ZBTB7C: variants seen among roughly 807,000 people sequenced by gnomAD.
ZBTB7C encodes the protein zinc finger and BTB domain containing 7C.
Under a neutral mutation model 25.7 loss-of-function variants are expected in ZBTB7C, and 8 were observed. The ratio of observed to expected loss-of-function variants is 0.31; its 90% CI spans 0.18 to 0.56. The LOEUF is 0.56. Among genes scored for constraint, ZBTB7C ranks in the 20% least tolerant of loss-of-function variants. The pLI, the probability that ZBTB7C is intolerant of heterozygous loss-of-function variation, is 0.91. For missense variants in ZBTB7C, 824 were observed against 855.2 expected (o/e 0.96, Z 0.46); for synonymous variants, 394 against 369.0 (o/e 1.07, Z -0.78).
At chr18:48,154,116 G>C (rs1230025752) in intron 3 of ZBTB7C, among the ~76,000 whole-genome samples, 1 of 152,230 alleles carries the variant, frequency 6.6e-6, no homozygotes, top group Non-Finnish European at 1.5e-5. Context: ...TACCCAGTAA[G>C]CAAGCAGGGG....
At chr18:48,295,146 A>G (rs1357687085) in intron 2 of ZBTB7C, among the ~76,000 whole-genome samples, 1 of 152,168 alleles carries the variant, frequency 6.6e-6, no homozygotes, top group Non-Finnish European at 1.5e-5. Context: ...ATTTCTGTAC[A>G]CATCAGCATT....
chr18:48,202,034 C>T (rs2042462204), intron 2 of ZBTB7C, among the ~76,000 whole-genome samples: 1 of 152,250 alleles, frequency 6.6e-6, no homozygotes, highest in African/African-American at 2.4e-5. Context: ...AAGGTTCCCA[C>T]CTAGCTAAAA....
chr18:48,087,452 G>A (rs1484379081), intron 3 of ZBTB7C, among the ~76,000 whole-genome samples: 1 of 152,150 alleles, frequency 6.6e-6, no homozygotes, highest in African/African-American at 2.4e-5. Flanking sequence ...GATTCCAAGT[G>A]ATCAGAGCTG....
At chr18:48,134,372 T>C (rs2040082291) in intron 3 of ZBTB7C, among the ~76,000 whole-genome samples, 1 of 152,154 alleles carries the variant, frequency 6.6e-6, no homozygotes, top group Admixed American at 6.6e-5. Context: ...TCCAACACCA[T>C]TCTATTAGGA....
At chr18:48,182,346 C>T (rs1404355883) in intron 3 of ZBTB7C, among the ~76,000 whole-genome samples, 1 of 152,102 alleles carries the variant, frequency 6.6e-6, no homozygotes, top group African/African-American at 2.4e-5. Context: ...TCTGCCAGGC[C>T]TCCACGATTA....
At chr18:48,208,176 C>T (rs2042623927) in intron 2 of ZBTB7C, among the ~76,000 whole-genome samples, 1 of 152,014 alleles carries the variant, frequency 6.6e-6, no homozygotes, top group South Asian at 2.1e-4. Context: ...AACAGAGCAG[C>T]TGTTCCAGTA....
intron 3 of ZBTB7C, among the ~76,000 whole-genome samples, chr18:48,125,513 G>A (rs2039771033): frequency 6.6e-6 from 1 of 152,208 alleles, no homozygotes; most frequent in Non-Finnish European, 1.5e-5. Flanking sequence ...TGGTGTAAAT[G>A]GCAACTTGTT....
chr18:48,367,663 C>T (rs752454198), intron 1 of ZBTB7C, among the ~76,000 whole-genome samples: 4 of 152,128 alleles, frequency 2.6e-5, no homozygotes, highest in South Asian at 2.1e-4. Context: ...GGAAACACTG[C>T]GGCCCACCCT....
At chr18:48,328,756 G>GGA (rs2046282029) in intron 2 of ZBTB7C, among the ~76,000 whole-genome samples, 1 of 152,140 alleles carries the variant, frequency 6.6e-6, no homozygotes, top group Non-Finnish European at 1.5e-5. Context: ...TTTTAGGGGA[G>GGA]GAGGGTTCTT....
intron 3 of ZBTB7C, chr18:48,185,412 T>G (rs2042031386): frequency 2.8e-6 from 1 of 361,868 alleles, no homozygotes; most frequent in African/African-American, 2.2e-5. Context: ...CAATGCCTGC[T>G]GCTTCTCGTG....
At position 48,036,512 on chromosome 18, in the gene ZBTB7C, C is replaced by T. The variant is rs574162197; in HGVS notation, c.1208+3388G>A. The stretch of plus-strand genomic sequence containing the variant: ...GGGTGTCACAAGACCCTGAGCTCTT[C>T]CCAACATCAAGGAGGGAGGAAATGG... On this transcript the variant is annotated intron_variant, in intron 4 of 4. Transcript: ENST00000590800. Among the ~76,000 whole-genome samples the T allele has an allele frequency of 2.7e-4, 41 of 152,272 alleles. 1 individual carries two copies. The South Asian group carries it at 6.4e-3, about 24-fold the overall frequency.
In ZBTB7C at chr18:48,105,390, C is replaced by A. The variant is rs1421079301; in HGVS notation, c.-16-64267G>T. Among the ~76,000 whole-genome samples, 3 of 152,194 alleles carry A rather than the reference C, an allele frequency of 2.0e-5. No individual in the cohort carries two copies. The East Asian group carries it at 5.8e-4, about 29-fold the overall frequency. On this transcript the variant is annotated intron_variant, in intron 3 of 4. Coordinates refer to ENST00000590800, the MANE Select transcript of ZBTB7C (RefSeq NM_001318841.2). ...CTTGGTAAAGAATCTCAGTGCTTCTCAACAGAGGCACTATTGCACCTCAGG... is the reference window on the plus strand; with the variant it reads ...CTTGGTAAAGAATCTCAGTGCTTCTAAACAGAGGCACTATTGCACCTCAGG...
intron 1 of ZBTB7C, among the ~76,000 whole-genome samples, chr18:48,397,481 C>T (rs978923153): frequency 2.0e-5 from 3 of 152,120 alleles, no homozygotes; most frequent in South Asian, 2.1e-4. Flanking sequence ...TCCAGATAGC[C>T]GTATCACCTC....
chr18:48,144,146 G>A (rs1568253566), intron 3 of ZBTB7C, among the ~76,000 whole-genome samples: 1 of 152,058 alleles, frequency 6.6e-6, no homozygotes, highest in African/African-American at 2.4e-5. Context: ...GGACGTGGTG[G>A]TGCCTGCCTG....
chr18:48,317,700 G>C lies in ZBTB7C; in HGVS notation c.-79+20474C>G, dbSNP rs532760125. ...GTGACATATACTATTACCATCTCCA[G>C]CTTATAGGCAATACAAGTCAACGTC... On this transcript the variant is annotated intron_variant, in intron 2 of 4. Coordinates refer to ENST00000590800, the MANE Select transcript of ZBTB7C (RefSeq NM_001318841.2). Among the ~76,000 whole-genome samples the C allele has an allele frequency of 7.9e-5, 12 of 152,282 alleles. No homozygotes were observed. In the South Asian group the frequency reaches 1.2e-3, roughly 16 times the overall value.
At chr18:48,032,422 G>GTTTTTTTTTTTT (rs71165309) in intron 4 of ZBTB7C, among the ~76,000 whole-genome samples, 4 of 65,060 alleles carry the variant, frequency 6.1e-5, no homozygotes, top group African/African-American at 1.9e-4. Flanking sequence ...GACAAGGTAG[G>GTTTTTTTTTTTT]TTTTTTTTTT....
chr18:48,093,043 A>T (rs1225802537), intron 3 of ZBTB7C, among the ~76,000 whole-genome samples: 1 of 152,208 alleles, frequency 6.6e-6, no homozygotes, highest in Non-Finnish European at 1.5e-5. Context: ...CAGGTAATTC[A>T]ACAGAGAGAA....
chr18:48,129,316 A>G (rs974410813), intron 3 of ZBTB7C, among the ~76,000 whole-genome samples: 4 of 148,636 alleles, frequency 2.7e-5, no homozygotes, highest in Non-Finnish European at 5.9e-5. Context: ...ATGTTTATGT[A>G]TTAACTGAGG....
intron 3 of ZBTB7C, among the ~76,000 whole-genome samples, chr18:48,062,092 G>T (rs937744586): frequency 1.3e-5 from 2 of 152,126 alleles, no homozygotes; most frequent in Non-Finnish European, 2.9e-5. Flanking sequence ...AAACATGAGA[G>T]AATCTTATTT....
Sources: gnomAD v4.1 joint callset for allele counts (sites outside exome capture counted in the v4.1 genomes callset) on GRCh38, gnomAD v4.1.1 for gene constraint, MANE v1.5 for transcripts, NCBI Gene and HGNC (gene_info 2026-07-23, HGNC 2026-07-21) for gene names.